EHD4: variants seen among roughly 807,000 people sequenced by gnomAD.
EHD4 encodes EH domain containing 4.
In EHD4, 37 loss-of-function variants were observed where a neutral mutation model predicts 51.0. That is an observed-to-expected ratio of 0.73 (90% CI 0.56 to 0.95). The LOEUF (loss-of-function observed/expected upper bound fraction) is 0.95. EHD4 is among the 40% of genes least tolerant of loss of function. The probability of loss-of-function intolerance (pLI) is 0.00; values close to 1 mark genes in which losing one functional copy is unlikely to be tolerated. For missense variants in EHD4, 632 were observed against 733.1 expected (o/e 0.86, Z 1.59); for synonymous variants, 297 against 317.3 (o/e 0.94, Z 0.68).
intron 3 of EHD4, among the ~76,000 whole-genome samples, chr15:41,924,057 G>A (rs538663625): frequency 2.0e-5 from 3 of 152,250 alleles, no homozygotes; most frequent in Non-Finnish European, 4.4e-5. Flanking sequence ...GTGATTACCT[G>A]AGAAAATGCT....
intron 1 of EHD4, among the ~76,000 whole-genome samples, chr15:41,956,073 A>G (rs561316065): frequency 2.3e-4 from 35 of 152,350 alleles, no homozygotes; most frequent in African/African-American, 8.4e-4. Flanking sequence ...ACAGTTCGCA[A>G]TTCACGAAAA....
At chr15:41,964,947 T>A (rs2067952814) in intron 1 of EHD4, among the ~76,000 whole-genome samples, 1 of 150,172 alleles carries the variant, frequency 6.7e-6, no homozygotes, top group Non-Finnish European at 1.5e-5. Flanking sequence ...AATTTTTGTA[T>A]TTTTTTTTAG....
intron 3 of EHD4, among the ~76,000 whole-genome samples, chr15:41,933,396 A>G (rs942526094): frequency 2.0e-4 from 31 of 152,222 alleles, no homozygotes; most frequent in African/African-American, 7.5e-4. Flanking sequence ...ATGAACACAG[A>G]TCATTCAGAT....
intron 1 of EHD4, among the ~76,000 whole-genome samples, chr15:41,956,090 G>C (rs939160169): frequency 1.3e-5 from 2 of 152,242 alleles, no homozygotes; most frequent in African/African-American, 4.8e-5. Flanking sequence ...AAAATGTGAG[G>C]TGCGGGAGTG....
At chr15:41,954,402 C>A (rs2067873135) in intron 1 of EHD4, among the ~76,000 whole-genome samples, 1 of 152,200 alleles carries the variant, frequency 6.6e-6, no homozygotes, top group African/African-American at 2.4e-5. Context: ...ACCTGCACAG[C>A]CTTCTGCAGC....
At chr15:41,971,846 T>A (rs774903228) in intron 1 of EHD4, among the ~76,000 whole-genome samples, 3 of 152,208 alleles carry the variant, frequency 2.0e-5, no homozygotes, top group Non-Finnish European at 4.4e-5. Flanking sequence ...AACAAATGAA[T>A]AGTTAAACAA....
At chr15:41,940,063 C>T (rs542106697) in intron 3 of EHD4, among the ~76,000 whole-genome samples, 6 of 152,166 alleles carry the variant, frequency 3.9e-5, no homozygotes, top group South Asian at 2.1e-4. Flanking sequence ...AAGGGATCCT[C>T]GTGCCTCGGC....
intron 1 of EHD4, among the ~76,000 whole-genome samples, chr15:41,965,568 T>C (rs1249389062): frequency 3.9e-5 from 6 of 152,126 alleles, no homozygotes; most frequent in Admixed American, 2.6e-4. Flanking sequence ...AGAGATGGTT[T>C]AGAAAAACAA....
At chr15:41,949,549 C>T (rs1170311410) in intron 2 of EHD4, among the ~76,000 whole-genome samples, 1 of 152,118 alleles carries the variant, frequency 6.6e-6, no homozygotes, top group Non-Finnish European at 1.5e-5. Flanking sequence ...TCACCATCAT[C>T]AGGCCCAGCT....
rs574068369 is a variant in EHD4, at chr15:41,949,375, A to C, written c.413+4389T>G. On this transcript the variant is annotated intron_variant, in intron 2 of 5. Coordinates refer to ENST00000220325, the MANE Select transcript of EHD4 (RefSeq NM_139265.4). ...ACAGAGCAAGACTCCATCTCAAAAA[A>C]ATAATAATAATAAAATAAAATCAAA... Among the ~76,000 whole-genome samples, 163 of 152,116 alleles carry C rather than the reference A, an allele frequency of 1.1e-3. 4 individuals are homozygous for C. In the South Asian group the frequency reaches 0.031, roughly 29 times the overall value.
rs570383422 is a variant in EHD4 at position 41,901,122 on chromosome 15, C to T, written c.1149G>A (p.Glu383=). 8 of 1,597,388 alleles carry T rather than the reference C, an allele frequency of 5.0e-6. No individual in the cohort carries two copies. The highest frequency in any genetic ancestry group is 4.5e-5 in the East Asian group (2 of 44,778). The change falls in exon 6 of 6, where the codon GAG becomes GAA. Residue 383 remains glutamate (E), a synonymous_variant. Coordinates refer to ENST00000220325, the MANE Select transcript of EHD4 (RefSeq NM_139265.4). The part of the protein sequence containing the change: ...KFHSLKPKLI[E]AVDNMLSNKI... ...TGTTGCTCAGCATGTTGTCCACTGC[C>T]TCGATCAGCTTGGGCTTCAGCGAGT...
At chr15:41,955,486 G>GGGAAGA (rs1398923793) in intron 1 of EHD4, among the ~76,000 whole-genome samples, 2 of 152,066 alleles carry the variant, frequency 1.3e-5, no homozygotes, top group Non-Finnish European at 2.9e-5. Context: ...CTCAGCTGAG[G>GGGAAGA]GGAAGAGCTC....
At chr15:41,909,960 A>T in intron 4 of EHD4, 97 bp from the exon 5 acceptor site, 1 of 1,468,566 alleles carries the variant, frequency 6.8e-7, no homozygotes, top group South Asian at 1.2e-5. Flanking sequence ...AACACATAAC[A>T]GGTACCCACA....
intron 1 of EHD4, among the ~76,000 whole-genome samples, chr15:41,955,602 A>G (rs1339851010): frequency 1.3e-5 from 2 of 152,200 alleles, no homozygotes; most frequent in African/African-American, 4.8e-5. Flanking sequence ...TACCGTTTCA[A>G]AATGTGTTCA....
intron 3 of EHD4, among the ~76,000 whole-genome samples, chr15:41,926,713 T>C (rs7177717): frequency 0.023 from 3,532 of 152,334 alleles, 160 homozygotes; most frequent in African/African-American, 0.082. Context: ...TAGCCTCTGC[T>C]GCAATTCTCA....
chr15:41,972,051 G>C (rs1284808717), intron 1 of EHD4, among the ~76,000 whole-genome samples: 1 of 152,014 alleles, frequency 6.6e-6, no homozygotes, highest in African/African-American at 2.4e-5. Flanking sequence ...AGGAGGGCTC[G>C]GAGTGCGCAG....
rs531997386 is a variant in EHD4 at position 41,931,105 on chromosome 15, T to C, written c.512-11483A>G. Among the ~76,000 whole-genome samples the C allele has an allele frequency of 1.5e-3, 224 of 152,336 alleles. 1 individual carries two copies. The highest frequency in any genetic ancestry group is 5.2e-3 in the African/African-American group (215 of 41,578). The stretch of plus-strand genomic sequence containing the variant: ...CCAAAATTCCACCTCTAGGAATGCA[T>C]CTTAGAGTTACATCTGCACATTTTT... On this transcript the variant is annotated intron_variant, in intron 3 of 5. Coordinates refer to ENST00000220325, the MANE Select transcript of EHD4 (RefSeq NM_139265.4).
chr15:41,942,947 C>G, intron 3 of EHD4, 120 bp downstream of exon 3: 2 of 958,096 alleles, frequency 2.1e-6, no homozygotes, highest in Non-Finnish European at 3.2e-6. Context: ...GGGGCCCCTT[C>G]AGCTGCCCAA....
chr15:41,962,427 G>A (rs780032104), intron 1 of EHD4, among the ~76,000 whole-genome samples: 12 of 151,822 alleles, frequency 7.9e-5, no homozygotes, highest in South Asian at 6.2e-4. Context: ...AGAATAACAC[G>A]AGACAAAGGT....
Sources: allele counts gnomAD v4.1 joint callset (sites outside exome capture counted in the v4.1 genomes callset), GRCh38; gene constraint gnomAD v4.1.1; transcripts MANE v1.5; gene names NCBI Gene and HGNC (gene_info 2026-07-23, HGNC 2026-07-21).